The following GRK5 variants were observed in gnomAD, a reference collection of about 807,000 sequenced individuals.
GRK5 encodes G protein-coupled receptor kinase 5.
Under a neutral mutation model 78.4 loss-of-function variants are expected in GRK5, and 40 were observed. The ratio of observed to expected loss-of-function variants is 0.51; its 90% CI spans 0.40 to 0.66. The LOEUF (loss-of-function observed/expected upper bound fraction) is 0.66, where lower values mean the gene tolerates loss of function less well. GRK5 is among the 30% of genes least tolerant of loss of function. GRK5 has a pLI of 0.00. For missense variants in GRK5, 598 were observed against 759.9 expected (o/e 0.79, Z 2.50); for synonymous variants, 289 against 296.8 (o/e 0.97, Z 0.27).
At chr10:119,265,373 C>G (rs965665723) in intron 1 of GRK5, among the ~76,000 whole-genome samples, 40 of 152,292 alleles carry the variant, frequency 2.6e-4, no homozygotes, top group African/African-American at 9.6e-4. Context: ...TGTGCCCACA[C>G]AATTCATTTG....
intron 2 of GRK5, among the ~76,000 whole-genome samples, chr10:119,350,930 T>C: frequency 6.6e-6 from 1 of 152,152 alleles, no homozygotes; most frequent in East Asian, 1.9e-4. Flanking sequence ...TGTGGGAGAA[T>C]GTTTGCCCAC....
rs546308338 is a variant in GRK5 at position 119,209,107 on chromosome 10, T to C, written c.52+1138T>C. ...TACCTGCTTAATATTTTCATTCACC[T>C]ACTTTGATGAATGAAGGGAAGAATT... On this transcript the variant is annotated intron_variant, in intron 1 of 15. Transcript: ENST00000392870. Among the ~76,000 whole-genome samples the C allele has an allele frequency of 5.3e-5, 8 of 152,316 alleles. No individual in the cohort carries two copies. The South Asian group carries it at 1.7e-3, about 32-fold the overall frequency.
At chr10:119,303,218 T>C (rs893842635) in intron 1 of GRK5, among the ~76,000 whole-genome samples, 2 of 152,244 alleles carry the variant, frequency 1.3e-5, no homozygotes, top group African/African-American at 2.4e-5. Flanking sequence ...GATCATGTTA[T>C]ATCTGTAAAC....
intron 4 of GRK5, among the ~76,000 whole-genome samples, chr10:119,414,778 G>T (rs1466396229): frequency 1.3e-5 from 2 of 152,046 alleles, no homozygotes. Flanking sequence ...TCATAAGTGG[G>T]TGCTCAAGAA....
chr10:119,439,216 G>T (rs963538430), intron 9 of GRK5, among the ~76,000 whole-genome samples: 2 of 152,248 alleles, frequency 1.3e-5, no homozygotes, highest in Admixed American at 1.3e-4. Context: ...GCCATGCCCC[G>T]TAGCTGTTCT....
At chr10:119,303,284 G>C (rs745421043) in intron 1 of GRK5, among the ~76,000 whole-genome samples, 16 of 152,340 alleles carry the variant, frequency 1.1e-4, no homozygotes, top group Non-Finnish European at 2.1e-4. Context: ...GTACTCTGTA[G>C]TGGATGAGGT....
At chr10:119,448,941 G>A (rs1443863595) in intron 13 of GRK5, among the ~76,000 whole-genome samples, 2 of 152,214 alleles carry the variant, frequency 1.3e-5, no homozygotes, top group African/African-American at 2.4e-5. Context: ...TGCGGGATAC[G>A]TGCTGTGATT....
At chr10:119,278,369 G>A (rs1353708977) in intron 1 of GRK5, among the ~76,000 whole-genome samples, 2 of 152,026 alleles carry the variant, frequency 1.3e-5, no homozygotes, top group African/African-American at 2.4e-5. Flanking sequence ...AACTGCCTTC[G>A]GGAAGCCATG....
intron 10 of GRK5, among the ~76,000 whole-genome samples, chr10:119,440,197 G>A (rs988072397): frequency 6.6e-6 from 1 of 152,122 alleles, no homozygotes; most frequent in South Asian, 2.1e-4. Flanking sequence ...GAGGGTGGTG[G>A]AGAGGCTTCT....
At chr10:119,372,268 C>T (rs7893905) in intron 2 of GRK5, among the ~76,000 whole-genome samples, 102,836 of 152,066 alleles carry the variant, frequency 0.68, 35,069 homozygotes, top group Non-Finnish European at 0.71. Context: ...ATCCAGGCAG[C>T]GTGGTAGTGC....
chr10:119,295,656 G>A (rs1564881038), intron 1 of GRK5, among the ~76,000 whole-genome samples: 2 of 152,120 alleles, frequency 1.3e-5, no homozygotes, highest in South Asian at 2.1e-4. Flanking sequence ...CATTTGCAGC[G>A]ACCTGGATGA....
At chr10:119,250,002 T>C (rs1849175732) in intron 1 of GRK5, among the ~76,000 whole-genome samples, 1 of 152,156 alleles carries the variant, frequency 6.6e-6, no homozygotes, top group Non-Finnish European at 1.5e-5. Flanking sequence ...CTTTCCCGCA[T>C]TCTTGGCAAC....
rs193163738 is a variant in GRK5, at chr10:119,421,935, G to A, written c.340-1231G>A. The stretch of plus-strand genomic sequence containing the variant: ...GGACAGGCCAGCTGCTGCCTCGGGC[G>A]TCCCCTCCACCCCCAGGGATTGACA... On this transcript the variant is annotated intron_variant, in intron 4 of 15. Transcript: ENST00000392870. 2.1e-3 allele frequency among the ~76,000 whole-genome samples: 313 copies of A among 152,236 alleles called. 1 individual carries two copies. The highest frequency in any genetic ancestry group is 6.5e-3 in the African/African-American group (269 of 41,536).
chr10:119,455,194 GTCCA>G lies in GRK5; in HGVS notation c.*131_*134del. 1 of 779,796 alleles carries G rather than the reference GTCCA, an allele frequency of 1.3e-6. No individual in the cohort carries two copies. Among genetic ancestry groups the G allele is most frequent in the Non-Finnish European group, 2.2e-6 (1 of 446,610 alleles). The allele number at this position is 779,796 out of a possible 1,614,324, so 48.3% of individuals were successfully genotyped here. A position where few individuals can be genotyped will look rare whatever the true frequency, so the allele number is the denominator to read the frequency against. On this transcript the variant is annotated 3_prime_UTR_variant, in exon 16 of 16. Coordinates refer to ENST00000392870, the MANE Select transcript of GRK5 (RefSeq NM_005308.3). ...ACCCCGGGAGCCGGGGAAGGAGGCC[GTCCA>G]TCCCGTCGACGTAGAACCTCGAGGT...
chr10:119,225,039 A>T (rs887409383), intron 1 of GRK5, among the ~76,000 whole-genome samples: 4 of 152,212 alleles, frequency 2.6e-5, no homozygotes, highest in African/African-American at 9.7e-5. Flanking sequence ...CAGGCATTAC[A>T]CATTAAAACA....
At chr10:119,391,517 C>T (rs1456953830) in intron 3 of GRK5, among the ~76,000 whole-genome samples, 2 of 152,344 alleles carry the variant, frequency 1.3e-5, no homozygotes, top group Non-Finnish European at 1.5e-5. Flanking sequence ...ATGCAACACC[C>T]CTGAGCCTCC....
At chr10:119,260,062 C>T (rs967601369) in intron 1 of GRK5, among the ~76,000 whole-genome samples, 5 of 151,798 alleles carry the variant, frequency 3.3e-5, no homozygotes, top group South Asian at 2.1e-4. Flanking sequence ...TGCAGTGGAG[C>T]GATCTCCGTT....
intron 1 of GRK5, among the ~76,000 whole-genome samples, chr10:119,250,517 A>AT (rs5788333): frequency 0.77 from 105,245 of 136,008 alleles, 41,964 homozygotes; most frequent in East Asian, 0.98. Context: ...CCTCATTTAA[A>AT]TTTTTTTTTT....
At chr10:119,276,681 C>T (rs1042026651) in intron 1 of GRK5, among the ~76,000 whole-genome samples, 39 of 152,292 alleles carry the variant, frequency 2.6e-4, no homozygotes, top group East Asian at 7.7e-4. Context: ...GCCACACTGA[C>T]GTTTTAAAAG....
Sources: allele counts gnomAD v4.1 joint callset (sites outside exome capture counted in the v4.1 genomes callset), GRCh38; gene constraint gnomAD v4.1.1; transcripts MANE v1.5; gene names NCBI Gene and HGNC (gene_info 2026-07-23, HGNC 2026-07-21).